The following APC variants were observed in gnomAD, a reference collection of about 807,000 sequenced individuals.
APC encodes adenomatous polyposis coli protein.
APC carries 72 observed loss-of-function variants against 247.0 expected under a neutral mutation model. The ratio of observed to expected loss-of-function variants is 0.29; its 90% CI spans 0.24 to 0.35. The LOEUF (loss-of-function observed/expected upper bound fraction) is 0.35. APC is among the 10% of genes least tolerant of loss of function. The pLI is 1.00. For synonymous variants in APC, 1,254 were observed against 1,162.5 expected (o/e 1.08, Z -1.60); for missense variants, 3,400 against 3,360.7 (o/e 1.01, Z -0.29).
Position 112,840,605 on chromosome 5 carries a change from G to A in APC, c.5011G>A (p.Ala1671Thr), listed in dbSNP as rs587781600. The A allele has an allele frequency of 1.9e-6, 3 of 1,614,102 alleles. No homozygotes were observed. The highest frequency in any genetic ancestry group is 1.7e-5 in the Admixed American group (1 of 59,998). The stretch of plus-strand genomic sequence containing the variant: ...CGAATCCCCTCCAAATGAGTTAGCT[G>A]CTGGAGAAGGAGTTAGAGGAGGGGC... ...TIESPPNELA[A>T]GEGVRGGAQS... The change falls in exon 16 of 16, where the codon GCT becomes ACT. Residue 1671 changes from alanine (A) to threonine (T), a missense_variant. Ala to Thr is a moderately conservative substitution (Grantham distance 58, BLOSUM62 0). Coordinates refer to ENST00000257430, the MANE Select transcript of APC (RefSeq NM_000038.6). The surrounding 1 kb of genome is among the most constrained non-coding windows in gnomAD (Gnocchi z 4.1).
At chr5:112,794,896 G>A (rs576707146) in intron 7 of APC, among the ~76,000 whole-genome samples, 1 of 152,314 alleles carries the variant, frequency 6.6e-6, no homozygotes, top group Non-Finnish European at 1.5e-5. Context: ...TACAGATCAA[G>A]AATGGCCAAA....
At chr5:112,741,081 T>C (rs886953040) in intron 1 of APC, among the ~76,000 whole-genome samples, 1 of 152,200 alleles carries the variant, frequency 6.6e-6, no homozygotes, top group Admixed American at 6.5e-5. Context: ...GGTAATAGTT[T>C]AGGAAATATA....
chr5:112,711,310 C>A (rs1369343451), intron 1 of APC, among the ~76,000 whole-genome samples: 1 of 152,194 alleles, frequency 6.6e-6, no homozygotes, highest in African/African-American at 2.4e-5. Flanking sequence ...TGAGGTGGAA[C>A]ATTTTCATCC....
rs1328673602 is a variant in APC, at chr5:112,819,089, C to A, written c.1057C>A (p.Leu353Ile). Residue 353 changes from leucine (L) to isoleucine (I), a missense_variant, in exon 10 of 16, where the codon CTT becomes ATT. Around this residue, in one of 9 missense-constraint regions of APC, gnomAD observed 199 missense variants for 212.5 expected, o/e 0.94. Transcript: ENST00000257430. ...TATATCCATGCGACAGTCTGGATGT[C>A]TTCCTCTCCTCATCCAGCTTTTACA... ...SCISMRQSGCLPLLIQLLHGN... is the reference protein window; with the variant it reads ...SCISMRQSGCIPLLIQLLHGN... 3 of 1,614,102 alleles carry A rather than the reference C, an allele frequency of 1.9e-6. No individual in the cohort carries two copies. The highest frequency in any genetic ancestry group is 2.5e-6 in the Non-Finnish European group (3 of 1,179,998).
rs76968072 is a variant in APC, at chr5:112,817,966, A to T, written c.934-1000A>T. ...TCTAAAGGTGTATGTGTATTTACGC[A>T]TCTAAAGCAGCATTTCTAAACCTCA... On this transcript the variant is annotated intron_variant, in intron 9 of 15. Transcript: ENST00000257430. Among the ~76,000 whole-genome samples, 5 of 152,354 alleles carry T rather than the reference A, an allele frequency of 3.3e-5. No homozygotes were observed. In the East Asian group the frequency reaches 9.6e-4, roughly 29 times the overall value.
chr5:112,722,818 ACGTGTT>A (rs1751558645), intron 1 of APC, among the ~76,000 whole-genome samples: 1 of 152,152 alleles, frequency 6.6e-6, no homozygotes, highest in Non-Finnish European at 1.5e-5. Context: ...AGGAACCTCC[ACGTGTT>A]CAGCTATATG....
Position 112,842,514 on chromosome 5 carries a change from C to T in APC, c.6920C>T (p.Ser2307Leu), listed in dbSNP as rs901983934. ...CCTTCTAGATCAGGATCTAGAGATT[C>T]GACCCCTTCAAGACCTGCCCAGCAA... is the stretch of plus-strand genomic sequence containing the variant. ...KAPSRSGSRD[S>L]TPSRPAQQPL... The change falls in exon 16 of 16, where the codon TCG becomes TTG. Residue 2307 changes from serine to leucine, a missense_variant. Physicochemically the swap from Ser to Leu is moderately radical, Grantham distance 145. Transcript: ENST00000257430. 6 of 1,613,980 alleles carry T rather than the reference C, an allele frequency of 3.7e-6. No individual in the cohort carries two copies. The highest frequency in any genetic ancestry group is 5.1e-6 in the Non-Finnish European group (6 of 1,179,952).
At chr5:112,788,191 G>T (rs1159763144) in intron 6 of APC, among the ~76,000 whole-genome samples, 2 of 152,000 alleles carry the variant, frequency 1.3e-5, no homozygotes, top group African/African-American at 4.8e-5. Flanking sequence ...TTTATTTGCT[G>T]CAGTTTTATA....
At chr5:112,813,459 T>TTA (rs1393400158) in intron 8 of APC, among the ~76,000 whole-genome samples, 4 of 152,128 alleles carry the variant, frequency 2.6e-5, no homozygotes, top group African/African-American at 9.7e-5. Flanking sequence ...AAGGAATTTA[T>TTA]TACGAATTCA....
rs767612847 is a variant in APC at position 112,841,080 on chromosome 5, A to G, written c.5486A>G (p.Asn1829Ser). The part of the protein sequence containing the change: ...NSKVFNDKLP[N>S]NEDRVRGSFA... ...AAGGTCTTCAATGATAAGCTCCCAAATAATGAAGATAGAGTCAGAGGAAGT... is the reference window on the plus strand; with the variant it reads ...AAGGTCTTCAATGATAAGCTCCCAAGTAATGAAGATAGAGTCAGAGGAAGT... The change falls in exon 16 of 16, where the codon AAT becomes AGT. Residue 1829 changes from asparagine (N) to serine (S), a missense_variant. Coordinates refer to ENST00000257430, the MANE Select transcript of APC (RefSeq NM_000038.6). The surrounding 1 kb of genome is among the most constrained non-coding windows in gnomAD (Gnocchi z 4.6). 18 of 1,612,740 alleles carry G rather than the reference A, an allele frequency of 1.1e-5. No individual in the cohort carries two copies. In the Admixed American group the frequency reaches 1.3e-4, roughly 12 times the overall value.
At chr5:112,759,383 G>A (rs1314811207) in intron 2 of APC, among the ~76,000 whole-genome samples, 5 of 122,420 alleles carry the variant, frequency 4.1e-5, no homozygotes, top group Admixed American at 9.8e-5. Context: ...TTTTGAGACC[G>A]AGTCTTGCTC....
Position 112,775,708 on chromosome 5 carries a change from A to T in APC, c.502A>T (p.Arg168Ter). 6.3e-7 allele frequency: 1 copy of T among 1,594,128 alleles called. No homozygotes were observed. The highest frequency in any genetic ancestry group is 1.1e-5 in the South Asian group (1 of 87,014). ...CGCTCAACTTCAGAATCTCACTAAAAGAATAGATAGTCTTCCTTTAACTGA... is the reference window on the plus strand; with the variant it reads ...CGCTCAACTTCAGAATCTCACTAAATGAATAGATAGTCTTCCTTTAACTGA... ...YYAQLQNLTK[R>*]IDSLPLTENF... Residue 168 changes from arginine (R) to a stop codon, truncating the protein, a stop_gained, in exon 5 of 16, where the codon AGA becomes TGA. Coordinates refer to ENST00000257430, the MANE Select transcript of APC (RefSeq NM_000038.6). LOFTEE classifies it high-confidence loss of function.
intron 15 of APC, among the ~76,000 whole-genome samples, chr5:112,836,469 T>C (rs1255407027): frequency 6.6e-6 from 1 of 152,152 alleles, no homozygotes; most frequent in Non-Finnish European, 1.5e-5. Flanking sequence ...AAGACGACCA[T>C]GTTAAAGCTC....
In APC at chr5:112,842,426, G is replaced by A. The variant is rs1561610531; in HGVS notation, c.6832G>A (p.Val2278Met). Residue 2278 changes from valine to methionine, a missense_variant, in exon 16 of 16, where the codon GTG (valine) becomes ATG (methionine). Val to Met is a conservative substitution (Grantham distance 21, BLOSUM62 1). This residue lies in a region of APC where 1,788 missense variants were observed against 1,649.5 expected (regional missense o/e 1.08). Coordinates refer to ENST00000257430, the MANE Select transcript of APC (RefSeq NM_000038.6). Reference sequence around the variant, plus strand: ...TTCTCCTAGAGGAGCCAAGCCATCTGTGAAATCAGAATTAAGCCCTGTTGC... The same window carrying A: ...TTCTCCTAGAGGAGCCAAGCCATCTATGAAATCAGAATTAAGCCCTGTTGC... The part of the protein sequence containing the change: ...TTSPRGAKPS[V>M]KSELSPVARQ... 6.2e-7 allele frequency: 1 copy of A among 1,614,076 alleles called. No homozygotes were observed. The highest frequency in any genetic ancestry group is 1.1e-5 in the South Asian group (1 of 91,084).
chr5:112,832,792 T>G (rs1764432327), intron 14 of APC, among the ~76,000 whole-genome samples: 1 of 152,182 alleles, frequency 6.6e-6, no homozygotes, highest in Non-Finnish European at 1.5e-5. Flanking sequence ...AAATTCAGGG[T>G]GTAATAGTTT....
chr5:112,777,059 T>C (rs989705610), intron 5 of APC, among the ~76,000 whole-genome samples: 2 of 152,182 alleles, frequency 1.3e-5, no homozygotes, highest in African/African-American at 4.8e-5. Context: ...GCTTTAAAAT[T>C]ATCCAATTTA....
At position 112,839,943 on chromosome 5, in the gene APC, G is replaced by A. The variant is rs587782678; in HGVS notation, c.4349G>A (p.Arg1450Gln). ...CCTCCTCAAACAGCTCAAACCAAGC[G>A]AGAAGTACCTAAAAATAAAGCACCT... ...PPPPQTAQTK[R>Q]EVPKNKAPTA... is the part of the protein sequence containing the mutation. The change falls in exon 16 of 16, where the codon CGA becomes CAA. Residue 1450 changes from arginine (R) to glutamine (Q), a missense_variant. Physicochemically the swap from Arg to Gln is conservative, Grantham distance 43. Around this residue, in one of 9 missense-constraint regions of APC, gnomAD observed 1,788 missense variants for 1,649.5 expected, o/e 1.08. Coordinates refer to ENST00000257430, the MANE Select transcript of APC (RefSeq NM_000038.6). The surrounding 1 kb of genome is among the most constrained non-coding windows in gnomAD (Gnocchi z 5.0). 26 of 1,613,952 alleles carry A rather than the reference G, an allele frequency of 1.6e-5. No individual in the cohort carries two copies. Among genetic ancestry groups the A allele is most frequent in the African/African-American group, 5.3e-5 (4 of 74,886 alleles).
chr5:112,807,970 C>G (rs1761588664), intron 8 of APC, among the ~76,000 whole-genome samples: 1 of 152,054 alleles, frequency 6.6e-6, no homozygotes, highest in African/African-American at 2.4e-5. Context: ...GCCTGGCCAA[C>G]ATGGTGAAAC....
Position 112,839,233 on chromosome 5 carries a change from A to T in APC, c.3639A>T (p.Ser1213=), listed in dbSNP as rs1060504882. Residue 1213 remains serine (S), a synonymous_variant, in exon 16 of 16, where the codon TCA becomes TCT. Transcript: ENST00000257430. This position sits in a 1 kb window ranked among gnomAD's most constrained non-coding sequence, Gnocchi z 5.0. Reference sequence around the variant, plus strand: ...GCAGTAAAACCGAACATATGTCTTCAAGCAGTGAGAATACGTCCACACCTT... The same window carrying T: ...GCAGTAAAACCGAACATATGTCTTCTAGCAGTGAGAATACGTCCACACCTT... ...GQSSKTEHMS[S]SSENTSTPSS... 1.2e-6 allele frequency: 2 copies of T among 1,614,192 alleles called. No individual in the cohort carries two copies. Among genetic ancestry groups the T allele is most frequent in the Non-Finnish European group, 1.7e-6 (2 of 1,180,034 alleles).
Sources: gnomAD v4.1 joint callset for allele counts (sites outside exome capture counted in the v4.1 genomes callset) on GRCh38, gnomAD v4.1.1 for gene constraint, gnomAD v4.1.1 regional missense constraint, Gnocchi (gnomAD v3.1) non-coding constraint, MANE v1.5 for transcripts, NCBI Gene and HGNC (gene_info 2026-07-23, HGNC 2026-07-21) for gene names.